Variants in CDH20 observed in about 807,000 individuals in gnomAD.
The protein encoded by CDH20 is cadherin 20, also known as cadherin-20.
A neutral mutation model predicts 74.2 loss-of-function variants in CDH20; 29 were observed. That is an observed-to-expected ratio of 0.39 (90% CI 0.29 to 0.53). The LOEUF is 0.53. CDH20 is among the 20% of genes least tolerant of loss of function. The pLI, the probability that CDH20 is intolerant of heterozygous loss-of-function variation, is 0.69. For synonymous variants in CDH20, 469 were observed against 405.4 expected (o/e 1.16, Z -1.88); for missense variants, 988 against 1,048.3 (o/e 0.94, Z 0.79).
At chr18:61,438,744 C>T (rs1464158294) in intron 1 of CDH20, among the ~76,000 whole-genome samples, 2 of 152,056 alleles carry the variant, frequency 1.3e-5, no homozygotes, top group African/African-American at 2.4e-5. Flanking sequence ...CCCAGCAATC[C>T]CATTACTGGA....
rs1453410308 is a variant in CDH20 at position 61,477,202 on chromosome 18, G to A, written c.-152-13200G>A. 2.6e-5 allele frequency among the ~76,000 whole-genome samples: 4 copies of A among 152,184 alleles called. No individual in the cohort carries two copies. In the South Asian group the frequency reaches 6.2e-4, roughly 24 times the overall value. ...ATAACAACTCTTATCATATACATGT[G>A]GCTGGGCATGGTCTGTTGGAGAGAT... On this transcript the variant is annotated intron_variant, in intron 1 of 11. Coordinates refer to ENST00000262717, the MANE Select transcript of CDH20 (RefSeq NM_031891.4).
chr18:61,432,850 C>T (rs1305300761), intron 1 of CDH20, among the ~76,000 whole-genome samples: 1 of 152,162 alleles, frequency 6.6e-6, no homozygotes, highest in Non-Finnish European at 1.5e-5. Context: ...ACTGCTTTGG[C>T]AAGGGAAAGT....
chr18:61,526,425 C>A (rs1912417603), intron 6 of CDH20, among the ~76,000 whole-genome samples: 1 of 152,058 alleles, frequency 6.6e-6, no homozygotes, highest in Admixed American at 6.6e-5. Flanking sequence ...CTCTCTCTAA[C>A]ATGAAATGTG....
intron 1 of CDH20, among the ~76,000 whole-genome samples, chr18:61,442,476 A>T (rs753161777): frequency 1.4e-4 from 21 of 152,104 alleles, no homozygotes; most frequent in Non-Finnish European, 2.8e-4. Flanking sequence ...AAGTCTGGCC[A>T]AATGAGGGCT....
intron 7 of CDH20, among the ~76,000 whole-genome samples, chr18:61,529,489 G>T (rs1912562656): frequency 6.6e-6 from 1 of 152,108 alleles, no homozygotes; most frequent in Admixed American, 6.6e-5. Flanking sequence ...TCTGATATTT[G>T]ATTTTTTCAA....
intron 1 of CDH20, among the ~76,000 whole-genome samples, chr18:61,457,773 G>A (rs1157714971): frequency 1.3e-5 from 2 of 152,070 alleles, no homozygotes; most frequent in Non-Finnish European, 2.9e-5. Flanking sequence ...TGGGAATTGA[G>A]GAAAACCAAA....
At chr18:61,402,776 G>A (rs1472864672) in intron 1 of CDH20, among the ~76,000 whole-genome samples, 1 of 152,090 alleles carries the variant, frequency 6.6e-6, no homozygotes, top group Non-Finnish European at 1.5e-5. Context: ...TCTATCCCCT[G>A]GGCTGGGGTA....
intron 6 of CDH20, among the ~76,000 whole-genome samples, chr18:61,520,529 A>T (rs192498360): frequency 6.6e-6 from 1 of 150,946 alleles, no homozygotes; most frequent in East Asian, 1.9e-4. Flanking sequence ...AGTCAGATCA[A>T]TGAGATAGAA....
rs1188883806 is a variant in CDH20 at position 61,500,447 on chromosome 18, G to C, written c.606G>C (p.Arg202Ser). ...ADDPTYGNSA[R>S]VVYSILQGQP... Reference sequence around the variant, plus strand: ...ACCCGACCTACGGCAACAGTGCCAGGGTGGTGTACAGCATTCTTCAGGGCC... The same window carrying C: ...ACCCGACCTACGGCAACAGTGCCAGCGTGGTGTACAGCATTCTTCAGGGCC... The change falls in exon 4 of 12, where the codon AGG (arginine) becomes AGC (serine). Residue 202 changes from arginine to serine, a missense_variant. Transcript: ENST00000262717. 5 of 1,612,954 alleles carry C rather than the reference G, an allele frequency of 3.1e-6. No individual in the cohort carries two copies. In the African/African-American group the frequency reaches 5.3e-5, roughly 17 times the overall value.
intron 2 of CDH20, among the ~76,000 whole-genome samples, chr18:61,494,858 C>A (rs997874493): frequency 6.6e-6 from 1 of 152,150 alleles, no homozygotes; most frequent in African/African-American, 2.4e-5. Flanking sequence ...AGCTGCCTAA[C>A]CACAAACTGT....
Position 61,554,944 on chromosome 18 carries a change from CTG to C in CDH20, c.*254_*255del, listed in dbSNP as rs924307904. 6 of 1,356,936 alleles carry C rather than the reference CTG, an allele frequency of 4.4e-6. No homozygotes were observed. Among genetic ancestry groups the C allele is most frequent in the African/African-American group, 4.3e-5 (3 of 69,002 alleles). The allele number at this position is 1,356,936 out of a possible 1,614,324, so 84.1% of individuals were successfully genotyped here. ...TCTTTTCTTTTTGATTTTTCTGACA[CTG>C]TGTGCGAAGGCTTGGAGTCCAAGGT... is the stretch of plus-strand genomic sequence containing the variant. On this transcript the variant is annotated 3_prime_UTR_variant, in exon 12 of 12. Transcript: ENST00000262717.
intron 1 of CDH20, among the ~76,000 whole-genome samples, chr18:61,367,372 T>A (rs1171813440): frequency 1.3e-5 from 2 of 152,208 alleles, no homozygotes; most frequent in Non-Finnish European, 2.9e-5. Flanking sequence ...TCACTGTATA[T>A]GTTTTCTATG....
At chr18:61,402,513 G>A (rs1912188513) in intron 1 of CDH20, among the ~76,000 whole-genome samples, 1 of 152,116 alleles carries the variant, frequency 6.6e-6, no homozygotes, top group Non-Finnish European at 1.5e-5. Context: ...TCCTCTTTAT[G>A]AACCAGATTT....
At chr18:61,378,232 C>T (rs1911312134) in intron 1 of CDH20, among the ~76,000 whole-genome samples, 1 of 152,162 alleles carries the variant, frequency 6.6e-6, no homozygotes, top group South Asian at 2.1e-4. Context: ...CTTTCATCAG[C>T]TGATGTATTT....
intron 1 of CDH20, among the ~76,000 whole-genome samples, chr18:61,489,951 T>A (rs1490070899): frequency 1.3e-5 from 2 of 152,086 alleles, no homozygotes; most frequent in Admixed American, 1.3e-4. Flanking sequence ...AACAAGGTAG[T>A]TGGATTTTAC....
chr18:61,350,456 C>T (rs550461842), intron 1 of CDH20, among the ~76,000 whole-genome samples: 6 of 151,982 alleles, frequency 3.9e-5, no homozygotes, highest in East Asian at 1.9e-4. Flanking sequence ...AGATGGAGGG[C>T]GATTCCATGC....
chr18:61,433,300 T>G (rs895953969), intron 1 of CDH20, among the ~76,000 whole-genome samples: 2 of 152,298 alleles, frequency 1.3e-5, no homozygotes, highest in South Asian at 4.1e-4. Flanking sequence ...TAGGGGCACC[T>G]TGTGTTTTGT....
At chr18:61,390,509 T>C (rs1911745567) in intron 1 of CDH20, among the ~76,000 whole-genome samples, 1 of 152,180 alleles carries the variant, frequency 6.6e-6, no homozygotes, top group Non-Finnish European at 1.5e-5. Flanking sequence ...GAAGAATAAA[T>C]ATTTAAAAAT....
At chr18:61,423,248 G>T (rs1017098130) in intron 1 of CDH20, among the ~76,000 whole-genome samples, 1 of 152,184 alleles carries the variant, frequency 6.6e-6, no homozygotes, top group Non-Finnish European at 1.5e-5. Context: ...ATAAGGATTT[G>T]GGGAGGGCCC....
Sources: allele counts gnomAD v4.1 joint callset (sites outside exome capture counted in the v4.1 genomes callset), GRCh38; gene constraint gnomAD v4.1.1; transcripts MANE v1.5; gene names NCBI Gene and HGNC (gene_info 2026-07-23, HGNC 2026-07-21).